The following CLSPN variants were observed in gnomAD, a reference collection of about 807,000 sequenced individuals.
The protein encoded by CLSPN is claspin.
Under a neutral mutation model 156.3 loss-of-function variants are expected in CLSPN, and 85 were observed. That is an observed-to-expected ratio of 0.54 (90% CI 0.46 to 0.65). The LOEUF is 0.65. Ranked by LOEUF, CLSPN falls within the 30% of genes least tolerant of loss-of-function variation. The probability of loss-of-function intolerance (pLI) is 0.00; values close to 1 mark genes in which losing one functional copy is unlikely to be tolerated. For synonymous variants in CLSPN, 534 were observed against 542.4 expected (o/e 0.98, Z 0.22); for missense variants, 1,407 against 1,554.9 (o/e 0.90, Z 1.60).
intron 24 of CLSPN, chr1:35,721,064 G>A: frequency 1.1e-6 from 1 of 917,886 alleles, no homozygotes; most frequent in Non-Finnish European, 1.7e-6. Context: ...CCTGTTTCCT[G>A]CATCTAAACT....
chr1:35,737,608 TA>T, intron 22 of CLSPN, 187 bp from the exon 23 acceptor site: 1 of 542,502 alleles, frequency 1.8e-6, no homozygotes, highest in Middle Eastern at 4.6e-4. Context: ...AGTTGAACAG[TA>T]ATCATTTAAG....
At chr1:35,741,095 A>T (rs964749745) in intron 18 of CLSPN, among the ~76,000 whole-genome samples, 1 of 152,214 alleles carries the variant, frequency 6.6e-6, no homozygotes, top group South Asian at 2.1e-4. Context: ...TTAAATACCT[A>T]TTAGAATTAT....
chr1:35,721,003 C>T (rs1001015676), intron 24 of CLSPN: 22 of 1,525,972 alleles, frequency 1.4e-5, no homozygotes, highest in Non-Finnish European at 1.9e-5. Context: ...TAAAGGAAGA[C>T]GAGGCAGGGA....
At position 35,736,991 on chromosome 1, in the gene CLSPN, G is replaced by A; in HGVS notation, c.3832C>T (p.Arg1278Ter). Residue 1278 changes from arginine to a stop codon, truncating the protein, a stop_gained, in exon 24 of 25, where the codon CGA (arginine) becomes TGA (stop). Transcript: ENST00000318121. LOFTEE classifies it high-confidence loss of function. ...ALSDHNPSAP[R>*]NSRNFVFHTL... Reference sequence around the variant, plus strand: ...TGAAAGACAAAGTTTCTTGAATTTCGAGGAGCACTGGGGTTATGGTCAGAG... The same window carrying A: ...TGAAAGACAAAGTTTCTTGAATTTCAAGGAGCACTGGGGTTATGGTCAGAG... 1 of 1,614,068 alleles carries A rather than the reference G, an allele frequency of 6.2e-7. No homozygotes were observed. Among genetic ancestry groups the A allele is most frequent in the Non-Finnish European group, 8.5e-7 (1 of 1,179,980 alleles).
At chr1:35,750,758 G>A (rs1286438405) in intron 10 of CLSPN, among the ~76,000 whole-genome samples, 5 of 151,970 alleles carry the variant, frequency 3.3e-5, no homozygotes, top group Non-Finnish European at 7.4e-5. Flanking sequence ...GCAGAAAACA[G>A]TACTACGGAA....
At chr1:35,763,740 T>C (rs1642564908) in intron 3 of CLSPN, among the ~76,000 whole-genome samples, 3 of 152,010 alleles carry the variant, frequency 2.0e-5, no homozygotes, top group Admixed American at 2.0e-4. Context: ...TATTTGGAAA[T>C]GTCCTCTGCA....
Position 35,750,764 on chromosome 1 carries a change from C to T in CLSPN, c.2028+486G>A, listed in dbSNP as rs901927237. Among the ~76,000 whole-genome samples, 11 of 152,094 alleles carry T rather than the reference C, an allele frequency of 7.2e-5. No homozygotes were observed. The South Asian group carries it at 8.3e-4, about 11-fold the overall frequency. On this transcript the variant is annotated intron_variant, in intron 10 of 24. Coordinates refer to ENST00000318121, the MANE Select transcript of CLSPN (RefSeq NM_022111.4). ...TTTCCCTAGGCAGAAAACAGTACTA[C>T]GGAACAAGGGCAAGAGGCCCTTCTA...
chr1:35,749,608 A>T (rs1182511267), intron 11 of CLSPN, 25 bp downstream of exon 11: 2 of 1,613,366 alleles, frequency 1.2e-6, no homozygotes, highest in African/African-American at 2.7e-5. Flanking sequence ...GGCAATTTTA[A>T]GTTTTCTTAG....
chr1:35,741,287 G>T (rs1008577570), intron 18 of CLSPN, among the ~76,000 whole-genome samples: 2 of 152,128 alleles, frequency 1.3e-5, no homozygotes, highest in Admixed American at 6.6e-5. Context: ...GGTGGACATG[G>T]ATAAGTTTTT....
At chr1:35,753,232 C>G (rs1358898903) in intron 9 of CLSPN, among the ~76,000 whole-genome samples, 1 of 152,074 alleles carries the variant, frequency 6.6e-6, no homozygotes, top group Non-Finnish European at 1.5e-5. Context: ...TCTGGGGCCA[C>G]AGGTGCAGGC....
intron 5 of CLSPN, 50 bp downstream of exon 5, chr1:35,762,353 AT>A (rs1642509834): frequency 7.2e-7 from 1 of 1,390,450 alleles, no homozygotes; most frequent in Non-Finnish European, 1.0e-6. Flanking sequence ...GAAATCTATA[AT>A]CTCCTGTGTA....
intron 24 of CLSPN, chr1:35,720,995 AAGGAAGACGAGGC>A: frequency 6.4e-7 from 1 of 1,568,318 alleles, no homozygotes; most frequent in Non-Finnish European, 8.8e-7. Context: ...AACGAAATTA[AAGGAAGACGAGGC>A]AGGGAAGAAA....
At chr1:35,747,881 G>A (rs370062261) in intron 14 of CLSPN, 26 bp downstream of exon 14, 17 of 1,605,074 alleles carry the variant, frequency 1.1e-5, no homozygotes, top group East Asian at 4.5e-5. Context: ...CACCATTCCC[G>A]CCCACAGAAA....
chr1:35,736,870 A>G (rs1452641013), intron 24 of CLSPN, 44 bp downstream of exon 24: 1 of 1,576,294 alleles, frequency 6.3e-7, no homozygotes, highest in Admixed American at 1.9e-5. Flanking sequence ...AAATGAATAA[A>G]TTCTGGTTTG....
intron 9 of CLSPN, 31 bp from the exon 10 acceptor site, chr1:35,751,537 C>T (rs201404521): frequency 1.5e-4 from 245 of 1,589,548 alleles, no homozygotes; most frequent in Non-Finnish European, 1.9e-4. Context: ...ATGCTTTAGA[C>T]ATAATACAAT....
At position 35,747,965 on chromosome 1, in the gene CLSPN, C is replaced by T; in HGVS notation, c.2569G>A (p.Gly857Arg). 1 of 1,614,222 alleles carries T rather than the reference C, an allele frequency of 6.2e-7. No homozygotes were observed. The highest frequency in any genetic ancestry group is 2.2e-5 in the East Asian group (1 of 44,886). The change falls in exon 14 of 25, where the codon GGA (glycine) becomes AGA (arginine). Residue 857 changes from glycine (G) to arginine (R), a missense_variant. Physicochemically the swap from Gly to Arg is moderately radical, Grantham distance 125. Around this residue, in one of 3 missense-constraint regions of CLSPN, gnomAD observed 1,096 missense variants for 1,193.0 expected, o/e 0.92. Coordinates refer to ENST00000318121, the MANE Select transcript of CLSPN (RefSeq NM_022111.4). ...PEPKTLFLGA[G>R]DFQFCLEDDT... ...TCTTCTAAACAGAACTGGAAGTCTC[C>T]TGCTCCTAGGAAAAGTGTCTTAGGC...
rs1641350183 is a variant in CLSPN at position 35,732,841 on chromosome 1, T to C, written c.*3655A>G. The C allele has an allele frequency of 2.0e-6, 2 of 985,348 alleles. No homozygotes were observed. Among genetic ancestry groups the C allele is most frequent in the South Asian group, 9.4e-5 (2 of 21,292 alleles). The allele number at this position is 985,348 out of a possible 1,614,324, so 61.0% of individuals were successfully genotyped here. A position where few individuals can be genotyped will look rare whatever the true frequency, so the allele number is the denominator to read the frequency against. On this transcript the variant is annotated 3_prime_UTR_variant, in exon 25 of 25. Transcript: ENST00000318121. ...GTCCATGTCAATCCTGTTACCAAGA[T>C]CAAGGCTTAGCTTACTTTATAGCAG... is the stretch of plus-strand genomic sequence containing the variant.
At chr1:35,756,388 G>A (rs1276120877) in intron 8 of CLSPN, among the ~76,000 whole-genome samples, 2 of 152,142 alleles carry the variant, frequency 1.3e-5, no homozygotes, top group Admixed American at 6.5e-5. Flanking sequence ...ATTCATAACT[G>A]GAGAAAGCTA....
At chr1:35,761,000 G>T in intron 7 of CLSPN, 84 bp from the exon 8 acceptor site, 1 of 1,416,566 alleles carries the variant, frequency 7.1e-7, no homozygotes, top group Non-Finnish European at 9.9e-7. Context: ...AGTTAAATCA[G>T]TTTTAAGGGA....
Sources: allele counts gnomAD v4.1 joint callset (sites outside exome capture counted in the v4.1 genomes callset), GRCh38; gene constraint gnomAD v4.1.1; regional missense constraint gnomAD v4.1.1; transcripts MANE v1.5; gene names NCBI Gene and HGNC (gene_info 2026-07-23, HGNC 2026-07-21).